DOK6: variants seen among roughly 807,000 people sequenced by gnomAD.
The protein encoded by DOK6 is docking protein 6.
DOK6 carries 22 observed loss-of-function variants against 44.0 expected under a neutral mutation model. The observed-to-expected ratio is 0.50, with a 90% CI of 0.36 to 0.71. The LOEUF is 0.71. Among genes scored for constraint, DOK6 ranks in the 30% least tolerant of loss-of-function variants. The probability of loss-of-function intolerance (pLI) is 0.00; values close to 1 mark genes in which losing one functional copy is unlikely to be tolerated. For missense variants in DOK6, 340 were observed against 416.4 expected (o/e 0.82, Z 1.60); for synonymous variants, 166 against 145.5 (o/e 1.14, Z -1.01).
intron 3 of DOK6, among the ~76,000 whole-genome samples, chr18:69,640,388 G>A (rs1338819313): frequency 6.6e-6 from 1 of 152,142 alleles, no homozygotes; most frequent in Non-Finnish European, 1.5e-5. Flanking sequence ...TATAAAAAAA[G>A]TGCTTGCAAG....
intron 6 of DOK6, among the ~76,000 whole-genome samples, chr18:69,747,197 C>T (rs986165701): frequency 6.6e-6 from 1 of 152,202 alleles, no homozygotes; most frequent in Non-Finnish European, 1.5e-5. Context: ...TTTATAAATG[C>T]TGAATTTCTT....
At chr18:69,680,372 G>A (rs940634622) in intron 4 of DOK6, among the ~76,000 whole-genome samples, 1 of 152,128 alleles carries the variant, frequency 6.6e-6, no homozygotes, top group African/African-American at 2.4e-5. Flanking sequence ...CAAGGCCACG[G>A]ATACAGCCAT....
Position 69,824,008 on chromosome 18 carries a change from CTT to C in DOK6, c.857-17235_857-17234del, listed in dbSNP as rs1453799421. Among the ~76,000 whole-genome samples the C allele has an allele frequency of 1.3e-4, 20 of 152,172 alleles. No individual in the cohort carries two copies. The East Asian group carries it at 3.9e-3, about 29-fold the overall frequency. ...GTGTTCCAAAAAAAGCAAACAGAAA[CTT>C]ACATCAGACAGCCTTGTTATAGTAG... On this transcript the variant is annotated intron_variant, in intron 7 of 7. Coordinates refer to ENST00000382713, the MANE Select transcript of DOK6 (RefSeq NM_152721.6).
intron 7 of DOK6, among the ~76,000 whole-genome samples, chr18:69,768,045 T>C (rs1979772162): frequency 6.6e-6 from 1 of 152,198 alleles, no homozygotes; most frequent in Non-Finnish European, 1.5e-5. Context: ...CTCTATATTT[T>C]TCTCCATCAA....
intron 3 of DOK6, among the ~76,000 whole-genome samples, chr18:69,653,384 A>G (rs1456792819): frequency 6.6e-6 from 1 of 151,924 alleles, no homozygotes; most frequent in East Asian, 1.9e-4. Context: ...TCCCGGAGAA[A>G]AGGAAACACA....
At chr18:69,670,237 G>A (rs1296571145) in intron 3 of DOK6, among the ~76,000 whole-genome samples, 1 of 152,070 alleles carries the variant, frequency 6.6e-6, no homozygotes, top group Non-Finnish European at 1.5e-5. Context: ...AACAGATTTG[G>A]TACAGAGAAA....
At chr18:69,800,086 T>C (rs1980857892) in intron 7 of DOK6, among the ~76,000 whole-genome samples, 1 of 53,068 alleles carries the variant, frequency 1.9e-5, no homozygotes, top group Non-Finnish European at 7.7e-5. Flanking sequence ...TTTCTCTACG[T>C]TCTATTAAAA....
intron 3 of DOK6, among the ~76,000 whole-genome samples, chr18:69,634,940 T>G (rs564944924): frequency 6.6e-6 from 1 of 152,312 alleles, no homozygotes; most frequent in African/African-American, 2.4e-5. Flanking sequence ...GTGCTTAATT[T>G]CCTCCCCAAG....
chr18:69,515,527 G>A (rs1047473484), intron 1 of DOK6, among the ~76,000 whole-genome samples: 17 of 152,232 alleles, frequency 1.1e-4, no homozygotes, highest in South Asian at 6.2e-4. Flanking sequence ...GGATTCAGGC[G>A]TGAACTAACA....
intron 7 of DOK6, among the ~76,000 whole-genome samples, chr18:69,784,018 C>A (rs767844714): frequency 2.2e-4 from 33 of 152,080 alleles, no homozygotes; most frequent in Non-Finnish European, 4.1e-4. Context: ...AACCCCATCT[C>A]TACCAAAAAA....
At chr18:69,643,847 T>C (rs1985003940) in intron 3 of DOK6, 1 of 152,244 alleles carries the variant, frequency 6.6e-6, no homozygotes, top group African/African-American at 2.4e-5. Flanking sequence ...AAATGTATCA[T>C]TTGACATTCC....
chr18:69,796,228 T>C (rs575154799), intron 7 of DOK6, among the ~76,000 whole-genome samples: 1 of 152,272 alleles, frequency 6.6e-6, no homozygotes. Flanking sequence ...CGAGGCTGAC[T>C]TGCTTTTGTG....
chr18:69,821,529 C>T (rs981398962), intron 7 of DOK6, among the ~76,000 whole-genome samples: 2 of 151,990 alleles, frequency 1.3e-5, no homozygotes, highest in African/African-American at 4.8e-5. Flanking sequence ...TTAAAAGTAC[C>T]CTATTGTGGT....
intron 3 of DOK6, among the ~76,000 whole-genome samples, chr18:69,647,086 T>TC (rs1985099321): frequency 1.6e-5 from 1 of 62,860 alleles, no homozygotes; most frequent in Non-Finnish European, 4.4e-5. Context: ...CTGTCTATCC[T>TC]ATCTGTCTAT....
chr18:69,617,092 TA>T (rs34064614), intron 3 of DOK6, among the ~76,000 whole-genome samples: 20 of 151,030 alleles, frequency 1.3e-4, no homozygotes, highest in African/African-American at 4.9e-4. Context: ...ATATATTTGT[TA>T]AAAAAAAAAT....
At chr18:69,672,531 T>C (rs1985824333) in intron 3 of DOK6, among the ~76,000 whole-genome samples, 1 of 152,174 alleles carries the variant, frequency 6.6e-6, no homozygotes, top group South Asian at 2.1e-4. Context: ...GCTAATTTTG[T>C]ATTTTTAGTA....
intron 3 of DOK6, among the ~76,000 whole-genome samples, chr18:69,671,381 A>T (rs1179396218): frequency 6.6e-6 from 1 of 152,212 alleles, no homozygotes; most frequent in Non-Finnish European, 1.5e-5. Context: ...TGCATCAAAG[A>T]TGCATTTAGG....
intron 1 of DOK6, among the ~76,000 whole-genome samples, chr18:69,473,616 C>T (rs1402567000): frequency 6.6e-6 from 1 of 152,206 alleles, no homozygotes; most frequent in Admixed American, 6.5e-5. Context: ...ACTAGACCCT[C>T]ACCATAGTGG....
chr18:69,803,307 CATT>C (rs1980956944), intron 7 of DOK6, among the ~76,000 whole-genome samples: 2 of 152,088 alleles, frequency 1.3e-5, no homozygotes, highest in African/African-American at 4.8e-5. Context: ...ATATCACAGA[CATT>C]TGATAATGGT....
Sources: gnomAD v4.1 joint callset for allele counts (sites outside exome capture counted in the v4.1 genomes callset) on GRCh38, gnomAD v4.1.1 for gene constraint, MANE v1.5 for transcripts, NCBI Gene and HGNC (gene_info 2026-07-23, HGNC 2026-07-21) for gene names.